LPP: variants seen among roughly 807,000 people sequenced by gnomAD.
The protein encoded by LPP is LIM domain containing preferred translocation partner in lipoma.
A neutral mutation model predicts 60.4 loss-of-function variants in LPP; 38 were observed. The ratio of observed to expected loss-of-function variants is 0.63; its 90% CI spans 0.49 to 0.83. The LOEUF (loss-of-function observed/expected upper bound fraction) is 0.83. Among genes scored for constraint, LPP ranks in the 40% least tolerant of loss-of-function variants. The probability of loss-of-function intolerance (pLI) is 0.00; values close to 1 mark genes in which losing one functional copy is unlikely to be tolerated. For missense variants in LPP, 902 were observed against 783.6 expected, an observed-to-expected ratio of 1.15 and a Z score of -1.80; for synonymous variants, 328 against 290.8, an observed-to-expected ratio of 1.13 and a Z score of -1.30.
intron 5 of LPP, among the ~76,000 whole-genome samples, chr3:188,495,491 A>C (rs1016228377): frequency 1.3e-5 from 2 of 152,106 alleles, no homozygotes; most frequent in Non-Finnish European, 2.9e-5. Flanking sequence ...AATAGACAAT[A>C]ACAAAATCAT....
intron 7 of LPP, among the ~76,000 whole-genome samples, chr3:188,639,238 C>T (rs905888581): frequency 2.6e-5 from 4 of 151,938 alleles, no homozygotes; most frequent in Admixed American, 1.3e-4. Flanking sequence ...TGATCTTTGA[C>T]AAACCTGAGA....
chr3:188,694,161 T>C (rs1266808818), intron 7 of LPP, among the ~76,000 whole-genome samples: 3 of 152,194 alleles, frequency 2.0e-5, no homozygotes, highest in Non-Finnish European at 2.9e-5. Context: ...ATTCATGATA[T>C]GGTAAGAACC....
At chr3:188,304,949 G>A (rs1005108836) in intron 2 of LPP, among the ~76,000 whole-genome samples, 4 of 152,194 alleles carry the variant, frequency 2.6e-5, no homozygotes, top group African/African-American at 9.6e-5. Flanking sequence ...ATATTTATTT[G>A]GGCTGAAATA....
At chr3:188,314,411 G>A (rs1269024436) in intron 2 of LPP, among the ~76,000 whole-genome samples, 1 of 151,660 alleles carries the variant, frequency 6.6e-6, no homozygotes, top group East Asian at 1.9e-4. Flanking sequence ...CTTTTGTCCT[G>A]TAAATTTGCT....
intron 2 of LPP, among the ~76,000 whole-genome samples, chr3:188,288,938 A>C (rs1169057799): frequency 1.3e-5 from 2 of 151,370 alleles, no homozygotes; most frequent in African/African-American, 4.9e-5. Flanking sequence ...TGTAGGGAAG[A>C]TAGAGATAAG....
At chr3:188,865,068 A>C (rs1390324886) in intron 9 of LPP, among the ~76,000 whole-genome samples, 1 of 152,224 alleles carries the variant, frequency 6.6e-6, no homozygotes, top group Non-Finnish European at 1.5e-5. Context: ...TCAGTTCTGC[A>C]TCTTTCTAAT....
chr3:188,438,359 A>T (rs867924048), intron 4 of LPP, among the ~76,000 whole-genome samples: 8,484 of 127,700 alleles, frequency 0.066, 343 homozygotes, highest in East Asian at 0.2. Context: ...TGCATTACAC[A>T]CACACACACA....
intron 2 of LPP, among the ~76,000 whole-genome samples, chr3:188,226,839 T>C (rs2149330448): frequency 6.6e-6 from 1 of 152,368 alleles, no homozygotes; most frequent in Admixed American, 6.5e-5. Flanking sequence ...CTGTCTTTTC[T>C]TAATCAGTGT....
chr3:188,435,221 C>T (rs1028069903), intron 4 of LPP, among the ~76,000 whole-genome samples: 3 of 152,006 alleles, frequency 2.0e-5, no homozygotes, highest in Non-Finnish European at 2.9e-5. Context: ...TAGGATGTTC[C>T]GGGTAGATTA....
intron 2 of LPP, chr3:188,240,122 A>T (rs1166359421): frequency 5.2e-6 from 1 of 192,236 alleles, no homozygotes; most frequent in African/African-American, 2.3e-5. Flanking sequence ...ACCTGGGATG[A>T]TGGAGAGACT....
intron 2 of LPP, among the ~76,000 whole-genome samples, chr3:188,326,382 G>T (rs2150442187): frequency 6.6e-6 from 1 of 152,244 alleles, no homozygotes; most frequent in Admixed American, 6.5e-5. Flanking sequence ...AGTCTCTCTT[G>T]TTGTCATGGT....
intron 8 of LPP, among the ~76,000 whole-genome samples, chr3:188,730,785 T>C (rs1720174539): frequency 6.6e-6 from 1 of 152,208 alleles, no homozygotes; most frequent in Admixed American, 6.5e-5. Context: ...AAAGCTGCAT[T>C]TGTCTCTGAA....
rs1195722794 is a variant in LPP at position 188,883,986 on chromosome 3, G to A, written c.*9507G>A. ...TTAAATAATATACCTTTGTCATGGG[G>A]AAGACCATGATTGTGGCTTCTTCTA... On this transcript the variant is annotated 3_prime_UTR_variant, in exon 12 of 12. Transcript: ENST00000617246. 1 of 219,084 alleles carries A rather than the reference G, an allele frequency of 4.6e-6. No homozygotes were observed. The highest frequency in any genetic ancestry group is 2.2e-5 in the African/African-American group (1 of 44,562). The allele number at this position is 219,084 out of a possible 1,614,324, so 13.6% of individuals were successfully genotyped here.
At position 188,665,962 on chromosome 3, in the gene LPP, A is replaced by G. The variant is rs184948231; in HGVS notation, c.1114-42305A>G. 6.8e-4 allele frequency among the ~76,000 whole-genome samples: 104 copies of G among 152,338 alleles called. No homozygotes were observed. In the East Asian group the frequency reaches 8.5e-3, roughly 12 times the overall value. ...TATCTGGCAGGATCTGATCCATCCT[A>G]TAATTCTACAATTAGTGTTTTGGTC... is the stretch of plus-strand genomic sequence containing the variant. On this transcript the variant is annotated intron_variant, in intron 7 of 11. Coordinates refer to ENST00000617246, the MANE Select transcript of LPP (RefSeq NM_001375462.1).
chr3:188,288,522 C>CG (rs397937503), intron 2 of LPP, among the ~76,000 whole-genome samples: 13 of 151,818 alleles, frequency 8.6e-5, no homozygotes, highest in Non-Finnish European at 1.9e-4. Flanking sequence ...CATTGCTCCC[C>CG]TTCACGTCGT....
At chr3:188,628,259 C>T (rs1847217204) in intron 7 of LPP, among the ~76,000 whole-genome samples, 1 of 151,846 alleles carries the variant, frequency 6.6e-6, no homozygotes, top group Non-Finnish European at 1.5e-5. Flanking sequence ...CAGAGCTGAA[C>T]TGAACAAAAT....
At chr3:188,558,129 A>G (rs1271466337) in intron 6 of LPP, among the ~76,000 whole-genome samples, 1 of 152,132 alleles carries the variant, frequency 6.6e-6, no homozygotes, top group East Asian at 1.9e-4. Context: ...GTCCTTCTAC[A>G]GAAACAAGAG....
intron 3 of LPP, among the ~76,000 whole-genome samples, chr3:188,389,871 G>A (rs1340091490): frequency 2.6e-5 from 4 of 151,480 alleles, no homozygotes; most frequent in Admixed American, 6.6e-5. Flanking sequence ...AATCTTGTCT[G>A]AACCTGCCTA....
At chr3:188,651,309 A>G (rs761085474) in intron 7 of LPP, among the ~76,000 whole-genome samples, 2 of 152,336 alleles carry the variant, frequency 1.3e-5, no homozygotes, top group Non-Finnish European at 1.5e-5. Context: ...CTCATGCTGT[A>G]TATGAGATAA....
Sources: gnomAD v4.1 joint callset for allele counts (sites outside exome capture counted in the v4.1 genomes callset) on GRCh38, gnomAD v4.1.1 for gene constraint, MANE v1.5 for transcripts, NCBI Gene and HGNC (gene_info 2026-07-23, HGNC 2026-07-21) for gene names.